ROBO2: variants seen among roughly 807,000 people sequenced by gnomAD.
ROBO2 encodes roundabout homolog 2.
ROBO2 carries 53 observed loss-of-function variants against 160.8 expected under a neutral mutation model. The observed-to-expected ratio is 0.33, with a 90% confidence interval of 0.26 to 0.41. ROBO2 has a LOEUF of 0.41. Among genes scored for constraint, ROBO2 ranks in the 10% least tolerant of loss-of-function variants. The pLI is 1.00. For missense variants in ROBO2, 1,577 were observed against 1,722.4 expected, an observed-to-expected ratio of 0.92 and a Z score of 1.49; for synonymous variants, 664 against 611.7, an observed-to-expected ratio of 1.09 and a Z score of -1.26.
intron 2 of ROBO2, among the ~76,000 whole-genome samples, chr3:76,171,229 TA>T (rs2073026214): frequency 6.6e-6 from 1 of 151,952 alleles, no homozygotes; most frequent in Admixed American, 6.6e-5. Flanking sequence ...ACAAATTTTC[TA>T]ATTAAGTAAG....
rs1422807813 is a variant in ROBO2, at chr3:77,477,579, A to C, written c.546+8A>C. On this transcript the variant is annotated splice_region_variant and intron_variant, in intron 3 of 25. Coordinates refer to ENST00000461745, the Ensembl canonical transcript of ROBO2. ...AAGGAAGAAAGAATAAGTGTGAGTT[A>C]AATTAAAATCATGGCCCAGAGAGAT... 1 of 1,613,474 alleles carries C rather than the reference A, an allele frequency of 6.2e-7. No individual in the cohort carries two copies. The highest frequency in any genetic ancestry group is 2.2e-5 in the East Asian group (1 of 44,858).
chr3:77,224,335 A>T (rs933030800), intron 2 of ROBO2, among the ~76,000 whole-genome samples: 4 of 151,952 alleles, frequency 2.6e-5, no homozygotes, highest in African/African-American at 4.8e-5. Flanking sequence ...GAGCTGAAAG[A>T]TTGCCTAACT....
At chr3:75,915,629 G>A (rs975343246) in intron 1 of ROBO2, among the ~76,000 whole-genome samples, 7 of 152,090 alleles carry the variant, frequency 4.6e-5, no homozygotes, top group South Asian at 4.1e-4. Flanking sequence ...ATTACATAGC[G>A]GGGCTTTCGA....
rs531166081 is a variant in ROBO2 at position 77,505,318 on chromosome 3, G to A, written c.806+11936G>A. Among the ~76,000 whole-genome samples, 7 of 151,948 alleles carry A rather than the reference G, an allele frequency of 4.6e-5. No individual in the cohort carries two copies. The South Asian group carries it at 1.5e-3, about 32-fold the overall frequency. ...ACAAATATGGACATTAATACAAGTG[G>A]TCATACAAGAAAACCTTTTTTTTTT... On this transcript the variant is annotated intron_variant, in intron 5 of 25. Coordinates refer to ENST00000461745, the Ensembl canonical transcript of ROBO2.
chr3:76,163,207 G>T (rs1251379634), intron 2 of ROBO2, among the ~76,000 whole-genome samples: 1 of 151,840 alleles, frequency 6.6e-6, no homozygotes, highest in African/African-American at 2.4e-5. Flanking sequence ...ATGGTGAGCA[G>T]GGCCCACCAT....
intron 2 of ROBO2, among the ~76,000 whole-genome samples, chr3:76,963,383 A>C (rs573068332): frequency 6.6e-6 from 1 of 152,292 alleles, no homozygotes; most frequent in Admixed American, 6.5e-5. Context: ...CTTAGAAAGC[A>C]TGCAGAACTA....
intron 2 of ROBO2, among the ~76,000 whole-genome samples, chr3:76,952,281 T>G (rs2079002736): frequency 6.6e-6 from 1 of 152,084 alleles, no homozygotes. Flanking sequence ...ATTTTTATTT[T>G]TATTTTTATT....
chr3:76,228,288 G>A (rs989674425), intron 2 of ROBO2, among the ~76,000 whole-genome samples: 6 of 152,098 alleles, frequency 3.9e-5, no homozygotes, highest in African/African-American at 1.4e-4. Context: ...CAATTGTATG[G>A]GGGTTATGAA....
chr3:77,596,677 T>G, exon 19 of ROBO2: 1 of 1,614,028 alleles, frequency 6.2e-7, no homozygotes, highest in Non-Finnish European at 8.5e-7. Context: ...TTGCTGATTC[T>G]TGGCCAGCCA....
intron 2 of ROBO2, among the ~76,000 whole-genome samples, chr3:76,231,004 G>C (rs1704588962): frequency 1.3e-5 from 2 of 152,062 alleles, no homozygotes; most frequent in African/African-American, 4.8e-5. Flanking sequence ...AGCTAAGAGA[G>C]AGGCACGAAT....
At chr3:76,293,449 C>T (rs1306781291) in intron 2 of ROBO2, among the ~76,000 whole-genome samples, 1 of 152,012 alleles carries the variant, frequency 6.6e-6, no homozygotes, top group Non-Finnish European at 1.5e-5. Flanking sequence ...GGAGGTGAGT[C>T]AGAAAAGGTG....
intron 5 of ROBO2, among the ~76,000 whole-genome samples, chr3:77,513,310 T>C (rs1288879904): frequency 6.6e-6 from 1 of 151,892 alleles, no homozygotes. Flanking sequence ...TGAGGCTTAA[T>C]GTGCATCAGG....
chr3:76,599,150 G>A (rs1900653), intron 2 of ROBO2, among the ~76,000 whole-genome samples: 88,321 of 151,810 alleles, frequency 0.58, 25,786 homozygotes, highest in Middle Eastern at 0.77. Flanking sequence ...GGGCATTGAT[G>A]TACAGATTAT....
intron 2 of ROBO2, among the ~76,000 whole-genome samples, chr3:76,962,351 C>CA (rs953089086): frequency 2.0e-5 from 3 of 151,330 alleles, no homozygotes; most frequent in Non-Finnish European, 4.4e-5. Context: ...AACAAACAAA[C>CA]AAAACCACTG....
chr3:77,426,782 T>C (rs192738117), intron 2 of ROBO2, among the ~76,000 whole-genome samples: 24 of 152,238 alleles, frequency 1.6e-4, no homozygotes, highest in African/African-American at 4.6e-4. Context: ...ACCTTACACA[T>C]TGAAATCATT....
At chr3:77,205,844 G>A (rs1369702169) in intron 2 of ROBO2, among the ~76,000 whole-genome samples, 2 of 152,136 alleles carry the variant, frequency 1.3e-5, no homozygotes, top group South Asian at 2.1e-4. Context: ...TGAAACATGC[G>A]TAAGATCAGG....
intron 2 of ROBO2, among the ~76,000 whole-genome samples, chr3:76,771,675 G>T (rs2108504339): frequency 6.6e-6 from 1 of 150,926 alleles, no homozygotes; most frequent in Non-Finnish European, 1.5e-5. Context: ...TTTCATCACT[G>T]GTGTTACACA....
chr3:76,928,158 A>G (rs1168563538), intron 2 of ROBO2, among the ~76,000 whole-genome samples: 1 of 152,140 alleles, frequency 6.6e-6, no homozygotes, highest in East Asian at 1.9e-4. Context: ...GGAGATGACA[A>G]TGGAAAAAGA....
chr3:76,523,238 T>A (rs1560088655), intron 2 of ROBO2, among the ~76,000 whole-genome samples: 1 of 151,976 alleles, frequency 6.6e-6, no homozygotes, highest in African/African-American at 2.4e-5. Flanking sequence ...AGGAGAAGAC[T>A]AAATGATTAA....
Sources: gnomAD v4.1 joint callset for allele counts (sites outside exome capture counted in the v4.1 genomes callset) on GRCh38, gnomAD v4.1.1 for gene constraint, MANE v1.5 for transcripts, NCBI Gene and HGNC (gene_info 2026-07-23, HGNC 2026-07-21) for gene names.